Variants in S1PR3 observed in about 807,000 individuals in gnomAD.
S1PR3 encodes sphingosine-1-phosphate receptor 3.
S1PR3 carries 12 observed loss-of-function variants against 13.3 expected under a neutral mutation model. The ratio of observed to expected loss-of-function variants is 0.90; its 90% CI spans 0.58 to 1.46. The LOEUF (loss-of-function observed/expected upper bound fraction) is 1.46. Among genes scored for constraint, S1PR3 ranks in the 40% most tolerant of loss-of-function variants. S1PR3 has a pLI of 0.00. For missense variants in S1PR3, 450 were observed against 501.9 expected (o/e 0.90, Z 0.99); for synonymous variants, 232 against 214.0 (o/e 1.08, Z -0.73).
chr9:89,001,688 T>C lies in S1PR3; in HGVS notation c.488T>C (p.Leu163Pro). The C allele has an allele frequency of 6.2e-7, 1 of 1,614,204 alleles. No individual in the cohort carries two copies. The highest frequency in any genetic ancestry group is 1.1e-5 in the South Asian group (1 of 91,088). ...TTCCTCCTGATCGGGATGTGCTGGC[T>C]CATTGCCTTCACGCTGGGCGCCCTG... ...RVFLLIGMCW[L>P]IAFTLGALPI... The change falls in exon 2 of 2, where the codon CTC becomes CCC. Residue 163 changes from leucine (L) to proline (P), a missense_variant. Coordinates refer to ENST00000358157, the MANE Select transcript of S1PR3 (RefSeq NM_005226.4).
In S1PR3 at chr9:88,991,669, T is replaced by C. The variant is rs1190743073; in HGVS notation, c.-174T>C. 2.0e-6 allele frequency: 3 copies of C among 1,514,020 alleles called. No homozygotes were observed. The South Asian group carries it at 3.8e-5, about 19-fold the overall frequency. The allele number at this position is 1,514,020 out of a possible 1,614,324, so 93.8% of individuals were successfully genotyped here. On this transcript the variant is annotated 5_prime_UTR_variant, in exon 1 of 2. Coordinates refer to ENST00000358157, the MANE Select transcript of S1PR3 (RefSeq NM_005226.4). This position sits in a 1 kb window ranked among gnomAD's most constrained non-coding sequence, Gnocchi z 4.0. ...CGCGCGCCACCCGCTAGGATGCCGGTGGCCCCAGCGCCCTCAGCCGACGGA... is the reference window on the plus strand; with the variant it reads ...CGCGCGCCACCCGCTAGGATGCCGGCGGCCCCAGCGCCCTCAGCCGACGGA...
chr9:88,990,900 C>G (rs1825680467), upstream of S1PR3: 3 of 1,489,088 alleles, frequency 2.0e-6, no homozygotes, highest in Non-Finnish European at 2.7e-6. Context: ...CCGGAGGGGA[C>G]CCGCGCGGAA....
At position 89,001,077 on chromosome 9, in the gene S1PR3, T is replaced by C; in HGVS notation, c.-124T>C. ...AGGAGCCCTTTTTCAACGCCCTCGC[T>C]GGAGTCTGGCCTGCACGCCTTGCTG... On this transcript the variant is annotated 5_prime_UTR_variant, in exon 2 of 2. Transcript: ENST00000358157. The C allele has an allele frequency of 2.3e-5, 26 of 1,119,728 alleles. No individual in the cohort carries two copies. The South Asian group carries it at 3.7e-4, about 16-fold the overall frequency. 69.4% of individuals were successfully genotyped at this position (1,119,728 alleles called of 1,614,324 possible).
rs199617443 is a variant in S1PR3, at chr9:89,001,905, G to A, written c.705G>A (p.Ser235=). 2.1e-5 allele frequency: 34 copies of A among 1,614,212 alleles called. No individual in the cohort carries two copies. The East Asian group carries it at 6.2e-4, about 30-fold the overall frequency. ...SSRKVANHNN[S]ERSMALLRTV... is the part of the protein sequence containing the mutation. ...GTAAGGTGGCCAACCACAACAACTC[G>A]GAGCGGTCCATGGCACTGCTGCGGA... The change falls in exon 2 of 2, where the codon TCG becomes TCA. Residue 235 remains serine (S), a synonymous_variant. Coordinates refer to ENST00000358157, the MANE Select transcript of S1PR3 (RefSeq NM_005226.4).
Position 89,001,548 on chromosome 9 carries a change from C to A in S1PR3, c.348C>A (p.Gly116=), listed in dbSNP as rs1825867487. 2 of 1,614,100 alleles carry A rather than the reference C, an allele frequency of 1.2e-6. No individual in the cohort carries two copies. The highest frequency in any genetic ancestry group is 1.3e-5 in the African/African-American group (1 of 74,936). Residue 116 remains glycine, a synonymous_variant, in exon 2 of 2, where the codon GGC becomes GGA. Transcript: ENST00000358157. ...CCACGGTCTGGTTCCTCAGGGAGGG[C>A]AGTATGTTCGTGGCCCTTGGGGCGT... ...LSPTVWFLRE[G]SMFVALGAST...
At chr9:88,996,663 C>T in intron 1 of S1PR3, 1 of 153,090 alleles carries the variant, frequency 6.5e-6, no homozygotes. Flanking sequence ...AGGAAGGCTG[C>T]AGGGTCCGGC....
rs1825917133 is a variant in S1PR3, at chr9:89,004,838, A to G, written c.*2501A>G. 1 of 167,116 alleles carries G rather than the reference A, an allele frequency of 6.0e-6. No homozygotes were observed. The highest frequency in any genetic ancestry group is 1.5e-5 in the Non-Finnish European group (1 of 68,128). 10.4% of individuals were successfully genotyped at this position (167,116 alleles called of 1,614,324 possible). A position where few individuals can be genotyped will look rare whatever the true frequency, so the allele number is the denominator to read the frequency against. On this transcript the variant is annotated 3_prime_UTR_variant, in exon 2 of 2. Coordinates refer to ENST00000358157, the MANE Select transcript of S1PR3 (RefSeq NM_005226.4). ...CCTAACTAGCTAGCCAGCTGGAGATAATTTACCAGGGAATGTTTCAAAGCC... is the reference window on the plus strand; with the variant it reads ...CCTAACTAGCTAGCCAGCTGGAGATGATTTACCAGGGAATGTTTCAAAGCC...
At chr9:88,991,188 T>C, upstream of S1PR3, 1 of 1,596,752 alleles carries the variant, frequency 6.3e-7, no homozygotes, top group Non-Finnish European at 8.5e-7. The surrounding 1 kb of genome is among the most constrained non-coding windows in gnomAD (Gnocchi z 4.0). Context: ...GGACAAGGTC[T>C]GGAGGCCGGC....
At chr9:88,995,324 C>T (rs1054079509) in intron 1 of S1PR3, 5 of 167,014 alleles carry the variant, frequency 3.0e-5, no homozygotes, top group African/African-American at 1.2e-4. Flanking sequence ...TTTATTTTTT[C>T]TCTTTTTCTT....
At position 89,001,558 on chromosome 9, in the gene S1PR3, G is replaced by T. The variant is rs1288814851; in HGVS notation, c.358G>T (p.Val120Leu). 1 of 1,614,240 alleles carries T rather than the reference G, an allele frequency of 6.2e-7. No homozygotes were observed. Among genetic ancestry groups the T allele is most frequent in the Non-Finnish European group, 8.5e-7 (1 of 1,180,042 alleles). The change falls in exon 2 of 2, where the codon GTG becomes TTG. Residue 120 changes from valine to leucine, a missense_variant. Physicochemically the swap from Val to Leu is conservative, Grantham distance 32. Transcript: ENST00000358157. ...VWFLREGSMFVALGASTCSLL... is the reference protein window; with the variant it reads ...VWFLREGSMFLALGASTCSLL... ...GTTCCTCAGGGAGGGCAGTATGTTCGTGGCCCTTGGGGCGTCCACCTGCAG... is the reference window on the plus strand; with the variant it reads ...GTTCCTCAGGGAGGGCAGTATGTTCTTGGCCCTTGGGGCGTCCACCTGCAG...
At chr9:88,999,786 G>A (rs1445092151) in intron 1 of S1PR3, 1 of 152,162 alleles carries the variant, frequency 6.6e-6, no homozygotes, top group Non-Finnish European at 1.5e-5. Flanking sequence ...CTGATCACTT[G>A]AGGTCAGGAG....
At position 89,001,428 on chromosome 9, in the gene S1PR3, T is replaced by C; in HGVS notation, c.228T>C (p.Phe76=). 1 of 1,614,190 alleles carries C rather than the reference T, an allele frequency of 6.2e-7. No homozygotes were observed. The highest frequency in any genetic ancestry group is 8.5e-7 in the Non-Finnish European group (1 of 1,180,018). Residue 76 remains phenylalanine, a synonymous_variant, in exon 2 of 2, where the codon TTT becomes TTC. Transcript: ENST00000358157. ...ATAAATTTCACAACCGCATGTACTT[T>C]TTCATTGGCAACCTGGCTCTCTGCG... ...KNNKFHNRMY[F]FIGNLALCDL... is the part of the protein sequence containing the mutation.
Position 88,991,689 on chromosome 9 carries a change from G to C in S1PR3, c.-154G>C, listed in dbSNP as rs1389824338. ...GCCGGTGGCCCCAGCGCCCTCAGCC[G>C]ACGGAGGTGAGAGGCGGGCCCGGGC... On this transcript the variant is annotated 5_prime_UTR_variant, in exon 1 of 2. Coordinates refer to ENST00000358157, the MANE Select transcript of S1PR3 (RefSeq NM_005226.4). This position sits in a 1 kb window ranked among gnomAD's most constrained non-coding sequence, Gnocchi z 4.0. 6.6e-7 allele frequency: 1 copy of C among 1,522,442 alleles called. No individual in the cohort carries two copies. The allele number at this position is 1,522,442 out of a possible 1,614,324, so 94.3% of individuals were successfully genotyped here.
chr9:88,995,768 G>A (rs1476988723), intron 1 of S1PR3: 1 of 167,108 alleles, frequency 6.0e-6, no homozygotes, highest in African/African-American at 2.4e-5. Context: ...GAAGAGCTGG[G>A]TGGTGGGCGG....
rs1825702026 is a variant in S1PR3, at chr9:88,991,508, C to T, written c.-335C>T. ...CGGTTCCGGGGACGGGCAACAGGGA[C>T]TCAGGGACCAGAAGGCGGCTGCAGG... On this transcript the variant is annotated 5_prime_UTR_variant, in exon 1 of 2. Transcript: ENST00000358157. This position sits in a 1 kb window ranked among gnomAD's most constrained non-coding sequence, Gnocchi z 4.0. The T allele has an allele frequency of 6.5e-7, 1 of 1,547,920 alleles. No homozygotes were observed. Among genetic ancestry groups the T allele is most frequent in the African/African-American group, 1.4e-5 (1 of 72,610 alleles).
chr9:88,991,585 C>A lies in S1PR3; in HGVS notation c.-258C>A. 6.5e-7 allele frequency: 1 copy of A among 1,544,572 alleles called. No individual in the cohort carries two copies. Among genetic ancestry groups the A allele is most frequent in the Non-Finnish European group, 8.7e-7 (1 of 1,145,152 alleles). Reference sequence around the variant, plus strand: ...GGGAACGACGTCGCGAGCGCTGAGACTGCCGGGCCTCCCAGCCCATCTGGC... The same window carrying A: ...GGGAACGACGTCGCGAGCGCTGAGAATGCCGGGCCTCCCAGCCCATCTGGC... On this transcript the variant is annotated 5_prime_UTR_variant, in exon 1 of 2. In the 5' UTR this introduces an upstream ATG that the reference lacks. Coordinates refer to ENST00000358157, the MANE Select transcript of S1PR3 (RefSeq NM_005226.4). This position sits in a 1 kb window ranked among gnomAD's most constrained non-coding sequence, Gnocchi z 4.0.
Position 89,001,467 on chromosome 9 carries a change from C to G in S1PR3, c.267C>G (p.Gly89=), listed in dbSNP as rs767748061. Residue 89 remains glycine (G), a synonymous_variant, in exon 2 of 2, where the codon GGC becomes GGG. Transcript: ENST00000358157. ...TGGCTCTCTGCGACCTGCTGGCCGG[C>G]ATCGCTTACAAGGTCAACATTCTGA... ...GNLALCDLLA[G]IAYKVNILMS... 6.2e-7 allele frequency: 1 copy of G among 1,614,220 alleles called. No individual in the cohort carries two copies. Among genetic ancestry groups the G allele is most frequent in the Admixed American group, 1.7e-5 (1 of 60,032 alleles).
rs1298372402 is a variant in S1PR3, at chr9:89,003,448, A to AGAAAATGT, written c.*1114_*1121dup. ...GTGAAAGAAGTTTAATTTTCAGGTT[A>AGAAAATGT]GAAAATGTGATCTGGCAGTTTATGC... On this transcript the variant is annotated 3_prime_UTR_variant, in exon 2 of 2. Coordinates refer to ENST00000358157, the MANE Select transcript of S1PR3 (RefSeq NM_005226.4). 6.0e-6 allele frequency: 1 copy of AGAAAATGT among 167,148 alleles called. No homozygotes were observed. Among genetic ancestry groups the AGAAAATGT allele is most frequent in the Non-Finnish European group, 1.5e-5 (1 of 68,136 alleles). The allele number at this position is 167,148 out of a possible 1,614,324, so 10.4% of individuals were successfully genotyped here. A position where few individuals can be genotyped will look rare whatever the true frequency, so the allele number is the denominator to read the frequency against.
chr9:89,000,898 A>ATT (rs925065897), intron 1 of S1PR3, 156 bp from the exon 2 acceptor site: 18 of 408,638 alleles, frequency 4.4e-5, no homozygotes, highest in Non-Finnish European at 8.1e-5. Context: ...TCACTTAGGA[A>ATT]TTTAGCCTGT....
Sources: allele counts gnomAD v4.1 joint callset, GRCh38; gene constraint gnomAD v4.1.1; non-coding constraint Gnocchi (gnomAD v3.1); transcripts MANE v1.5; gene names NCBI Gene and HGNC (gene_info 2026-07-23, HGNC 2026-07-21).